Variants in PRKAR1B observed in about 807,000 individuals in gnomAD.
PRKAR1B encodes cAMP-dependent protein kinase type I-beta regulatory subunit.
In PRKAR1B, 22 loss-of-function variants were observed where a neutral mutation model predicts 46.5. The observed-to-expected ratio is 0.47, with a 90% CI of 0.34 to 0.68. The LOEUF (loss-of-function observed/expected upper bound fraction) is 0.68. PRKAR1B is among the 30% of genes least tolerant of loss of function. PRKAR1B has a pLI of 0.01. For synonymous variants in PRKAR1B, 259 were observed against 217.7 expected, an observed-to-expected ratio of 1.19 and a Z score of -1.67; for missense variants, 445 against 535.6, an observed-to-expected ratio of 0.83 and a Z score of 1.67.
chr7:636,743 C>T (rs570125335), intron 4 of PRKAR1B, among the ~76,000 whole-genome samples: 35 of 152,326 alleles, frequency 2.3e-4, no homozygotes, highest in Non-Finnish European at 4.9e-4. Flanking sequence ...AGGGGGCCGG[C>T]GGGACCTGAC....
intron 1 of PRKAR1B, chr7:726,871 G>GAGGCCCTGCGGCGCGCGCTGGAGGAGCC: frequency 7.6e-7 from 1 of 1,320,824 alleles, no homozygotes; most frequent in Non-Finnish European, 9.6e-7. Context: ...GCGCGCCTTG[G>GAGGCCCTGCGGCGCGCGCTGGAGGAGCC]AGGCCCTGCG....
At chr7:574,630 G>C (rs534259331) in intron 9 of PRKAR1B, among the ~76,000 whole-genome samples, 3 of 152,182 alleles carry the variant, frequency 2.0e-5, no homozygotes, top group Non-Finnish European at 4.4e-5. Flanking sequence ...TTTTAGTAGA[G>C]ATGGGGTTTC....
chr7:561,172 C>G (rs974613017), intron 9 of PRKAR1B, among the ~76,000 whole-genome samples: 4 of 151,746 alleles, frequency 2.6e-5, no homozygotes, highest in South Asian at 4.2e-4. Flanking sequence ...CACACGGGTA[C>G]GTGCATACAC....
At chr7:597,280 G>A (rs1236184479) in intron 6 of PRKAR1B, among the ~76,000 whole-genome samples, 1 of 152,234 alleles carries the variant, frequency 6.6e-6, no homozygotes, top group Non-Finnish European at 1.5e-5. Flanking sequence ...AATAACTGAG[G>A]CACAGAGTCT....
At chr7:639,855 C>T (rs1784296842) in intron 4 of PRKAR1B, among the ~76,000 whole-genome samples, 1 of 149,470 alleles carries the variant, frequency 6.7e-6, no homozygotes, top group South Asian at 2.1e-4. Flanking sequence ...AGAATCCATC[C>T]TTAAAAAGAA....
intron 7 of PRKAR1B, among the ~76,000 whole-genome samples, chr7:595,279 A>G (rs564232878): frequency 1.3e-5 from 2 of 152,130 alleles, no homozygotes; most frequent in Non-Finnish European, 2.9e-5. Context: ...GCTCTGCTCA[A>G]TGCCACCTTA....
intron 9 of PRKAR1B, chr7:565,214 C>A (rs139174487): frequency 6.6e-6 from 1 of 152,254 alleles, no homozygotes; most frequent in Non-Finnish European, 1.5e-5. Flanking sequence ...TCTGGGGCAG[C>A]CTTTAGGGGC....
intron 4 of PRKAR1B, among the ~76,000 whole-genome samples, chr7:620,917 T>G (rs527345461): frequency 6.6e-6 from 1 of 152,346 alleles, no homozygotes; most frequent in Admixed American, 6.5e-5. Context: ...CTGTGTTGGG[T>G]ATGTATGACC....
chr7:666,325 G>A lies in PRKAR1B; in HGVS notation c.440+10904C>T, dbSNP rs147378060. ...CACACGCTCCAGGGACAGCCTTCAT[G>A]GTCCTGGCACATCAGAGAGCTCCGG... On this transcript the variant is annotated intron_variant, in intron 4 of 10. Coordinates refer to ENST00000537384, the MANE Select transcript of PRKAR1B (RefSeq NM_001164760.2). This position sits in a 1 kb window ranked among gnomAD's most constrained non-coding sequence, Gnocchi z 4.9. Among the ~76,000 whole-genome samples, 424 of 149,884 alleles carry A rather than the reference G, an allele frequency of 2.8e-3. No homozygotes were observed. The highest frequency in any genetic ancestry group is 4.2e-3 in the Non-Finnish European group (288 of 67,906).
At chr7:551,355 G>A (rs748580872) in intron 10 of PRKAR1B, 34 bp downstream of exon 10, 38 of 1,543,826 alleles carry the variant, frequency 2.5e-5, no homozygotes. Flanking sequence ...GATGGCCACA[G>A]CCGTGCGAGG....
chr7:722,290 T>C (rs1383630318), intron 1 of PRKAR1B, among the ~76,000 whole-genome samples: 1 of 151,964 alleles, frequency 6.6e-6, no homozygotes, highest in Non-Finnish European at 1.5e-5. Flanking sequence ...TTAGTAGAGA[T>C]GGGGTTTCAC....
At chr7:657,517 G>T (rs1412930365) in intron 4 of PRKAR1B, among the ~76,000 whole-genome samples, 1 of 152,210 alleles carries the variant, frequency 6.6e-6, no homozygotes, top group Non-Finnish European at 1.5e-5. Context: ...CTCTGGTCAA[G>T]AAGTAAGAAG....
chr7:682,562 G>A (rs371289499), intron 2 of PRKAR1B, among the ~76,000 whole-genome samples: 5 of 151,960 alleles, frequency 3.3e-5, no homozygotes, highest in Non-Finnish European at 5.9e-5. Context: ...TGGCTAACAC[G>A]GTGAAACCCT....
At chr7:584,630 C>A in intron 7 of PRKAR1B, 62 bp from the exon 8 acceptor site, 1 of 1,410,024 alleles carries the variant, frequency 7.1e-7, no homozygotes. Context: ...ATCATCCTGA[C>A]GTTTCCAGAT....
chr7:566,473 A>G lies in PRKAR1B; in HGVS notation c.891+12783T>C, dbSNP rs1037714563. On this transcript the variant is annotated intron_variant, in intron 9 of 10. Coordinates refer to ENST00000537384, the MANE Select transcript of PRKAR1B (RefSeq NM_001164760.2). ...CATCATCACCATCTTCACCATGACC[A>G]TTGTCATCATCATCACTATCATCAC... is the stretch of plus-strand genomic sequence containing the variant. Among the ~76,000 whole-genome samples, 88 of 151,828 alleles carry G rather than the reference A, an allele frequency of 5.8e-4. 1 individual carries two copies. The highest frequency in any genetic ancestry group is 7.4e-5 in the Non-Finnish European group (5 of 67,868).
chr7:684,552 G>A (rs1175946182), intron 2 of PRKAR1B, among the ~76,000 whole-genome samples: 2 of 152,170 alleles, frequency 1.3e-5, no homozygotes, highest in Non-Finnish European at 2.9e-5. Flanking sequence ...CCCGGGGTAT[G>A]TGAAGCAGGT....
At chr7:719,490 T>C (rs1028339358) in intron 1 of PRKAR1B, among the ~76,000 whole-genome samples, 23 of 152,174 alleles carry the variant, frequency 1.5e-4, no homozygotes, top group African/African-American at 5.3e-4. Flanking sequence ...AGTTTTAATA[T>C]TTCTTTGTAG....
At chr7:603,488 C>A (rs111232485) in intron 6 of PRKAR1B, among the ~76,000 whole-genome samples, 11,523 of 152,216 alleles carry the variant, frequency 0.076, 530 homozygotes, top group African/African-American at 0.086. Context: ...CACAACCTCC[C>A]CCACACCAGA....
chr7:650,754 T>C (rs10257110), intron 4 of PRKAR1B, among the ~76,000 whole-genome samples: 16,458 of 152,124 alleles, frequency 0.11, 986 homozygotes, highest in South Asian at 0.26. Context: ...AAAGGTCACG[T>C]GGCCCACAGG....
Sources: allele counts gnomAD v4.1 joint callset (sites outside exome capture counted in the v4.1 genomes callset), GRCh38; gene constraint gnomAD v4.1.1; non-coding constraint Gnocchi (gnomAD v3.1); transcripts MANE v1.5; gene names NCBI Gene and HGNC (gene_info 2026-07-23, HGNC 2026-07-21).